The following FAM124A variants were observed in gnomAD, a reference collection of about 807,000 sequenced individuals.
The protein encoded by FAM124A is protein FAM124A.
Under a neutral mutation model 24.5 loss-of-function variants are expected in FAM124A, and 23 were observed. The ratio of observed to expected loss-of-function variants is 0.94; its 90% confidence interval spans 0.68 to 1.33. The LOEUF is 1.33. Among genes scored for constraint, FAM124A ranks in the 40% most tolerant of loss-of-function variants. FAM124A has a pLI of 0.00. For synonymous variants in FAM124A, 287 were observed against 314.7 expected, an observed-to-expected ratio of 0.91 and a Z score of 0.93; for missense variants, 623 against 722.8, an observed-to-expected ratio of 0.86 and a Z score of 1.58.
rs1954853119 is a variant in FAM124A, at chr13:51,272,989, C to T, written c.835-7461C>T. Among the ~76,000 whole-genome samples, 1 of 152,094 alleles carries T rather than the reference C, an allele frequency of 6.6e-6. No homozygotes were observed. Among genetic ancestry groups the T allele is most frequent in the South Asian group, 2.1e-4 (1 of 4,824 alleles). The stretch of plus-strand genomic sequence containing the variant: ...GGATAAGGGTAAAACCTCTTTTTTT[C>T]CCCCATTATAAGCTTTGTAGAACTA... On this transcript the variant is annotated intron_variant, in intron 3 of 3. Transcript: ENST00000322475. This position sits in a 1 kb window ranked among gnomAD's most constrained non-coding sequence, Gnocchi z 4.2.
chr13:51,229,149 C>T (rs1170565799), intron 1 of FAM124A, among the ~76,000 whole-genome samples: 3 of 152,300 alleles, frequency 2.0e-5, no homozygotes, highest in South Asian at 2.1e-4. Context: ...TGTGTGTTTC[C>T]GTTGTGACGG....
chr13:51,254,926 A>G (rs1187392770), intron 3 of FAM124A, among the ~76,000 whole-genome samples: 1 of 152,204 alleles, frequency 6.6e-6, no homozygotes, highest in Non-Finnish European at 1.5e-5. Context: ...CAAATTTAAC[A>G]TTTGTATAAG....
intron 3 of FAM124A, among the ~76,000 whole-genome samples, chr13:51,269,641 TA>T (rs1181477522): frequency 1.3e-5 from 2 of 152,214 alleles, no homozygotes; most frequent in African/African-American, 4.8e-5. Context: ...TTTAAGATGT[TA>T]AAGGAAATTA....
At chr13:51,280,373 A>G (rs550478242) in intron 3 of FAM124A, 77 bp from the exon 4 acceptor site, 11 of 1,320,350 alleles carry the variant, frequency 8.3e-6, no homozygotes, top group Middle Eastern at 2.3e-4. Flanking sequence ...GGAGTTTCCA[A>G]TGATTGGTAA....
At chr13:51,238,851 T>C (rs545926750) in intron 2 of FAM124A, among the ~76,000 whole-genome samples, 12 of 152,298 alleles carry the variant, frequency 7.9e-5, no homozygotes, top group African/African-American at 2.9e-4. Context: ...ACCAAAGATA[T>C]GCATCAGGAA....
chr13:51,268,767 C>T (rs1037799324), intron 3 of FAM124A, among the ~76,000 whole-genome samples: 1 of 152,250 alleles, frequency 6.6e-6, no homozygotes, highest in Non-Finnish European at 1.5e-5. Context: ...AAACCTGCTT[C>T]TCTCTTCAGT....
At chr13:51,254,104 G>T (rs1022854) in intron 3 of FAM124A, among the ~76,000 whole-genome samples, 16,228 of 152,124 alleles carry the variant, frequency 0.11, 1,234 homozygotes, top group African/African-American at 0.21. Flanking sequence ...TTAGGTCTTG[G>T]GGGGAGGAGC....
chr13:51,222,605 G>T, intron 1 of FAM124A, 36 bp downstream of exon 1: 9 of 1,217,224 alleles, frequency 7.4e-6, no homozygotes, highest in Non-Finnish European at 9.2e-6. Context: ...GGCGGGGGGC[G>T]CTCTCCGAGT....
intron 2 of FAM124A, among the ~76,000 whole-genome samples, chr13:51,242,890 C>A (rs1175431478): frequency 2.6e-5 from 4 of 152,122 alleles, no homozygotes; most frequent in African/African-American, 4.8e-5. Flanking sequence ...ACTGTTATAG[C>A]AAAGCCACCC....
chr13:51,246,399 T>TGGGGGG (rs200227873), intron 2 of FAM124A, among the ~76,000 whole-genome samples: 1 of 91,952 alleles, frequency 1.1e-5, no homozygotes, highest in Non-Finnish European at 2.7e-5. Flanking sequence ...ATGTTTCTCG[T>TGGGGGG]GGGGTGGGGG....
At chr13:51,235,363 GA>G (rs1364531100) in intron 2 of FAM124A, among the ~76,000 whole-genome samples, 1 of 150,764 alleles carries the variant, frequency 6.6e-6, no homozygotes, top group East Asian at 2.0e-4. Flanking sequence ...ATAAACAGGA[GA>G]AAAGAAAAAC....
At chr13:51,224,977 T>C (rs953257992) in intron 1 of FAM124A, 6 of 152,236 alleles carry the variant, frequency 3.9e-5, no homozygotes, top group African/African-American at 1.4e-4. Context: ...GGTGAAACTC[T>C]ACTCTTCTTT....
intron 2 of FAM124A, among the ~76,000 whole-genome samples, chr13:51,250,386 A>G (rs572915993): frequency 4.5e-4 from 69 of 152,318 alleles, no homozygotes; most frequent in African/African-American, 7.0e-4. Context: ...AGATGTCTCA[A>G]TTCCCTTAAA....
chr13:51,254,728 A>G (rs1412555101), intron 3 of FAM124A, among the ~76,000 whole-genome samples: 1 of 152,206 alleles, frequency 6.6e-6, no homozygotes, highest in Non-Finnish European at 1.5e-5. Context: ...ATACTAAACT[A>G]TGGCTTTGTG....
chr13:51,256,629 G>A (rs1954677850), intron 3 of FAM124A, among the ~76,000 whole-genome samples: 2 of 152,156 alleles, frequency 1.3e-5, no homozygotes, highest in Non-Finnish European at 2.9e-5. Flanking sequence ...AGATGCCACT[G>A]GGGATGTGAT....
rs146463367 is a variant in FAM124A at position 51,252,115 on chromosome 13, G to A, written c.748G>A (p.Val250Met). The A allele has an allele frequency of 2.4e-5, 38 of 1,613,934 alleles. No individual in the cohort carries two copies. The highest frequency in any genetic ancestry group is 3.2e-5 in the Non-Finnish European group (38 of 1,180,040). Residue 250 changes from valine (V) to methionine (M), a missense_variant, in exon 3 of 4, where the codon GTG becomes ATG. Val to Met is a conservative substitution (Grantham distance 21). Coordinates refer to ENST00000322475, the MANE Select transcript of FAM124A (RefSeq NM_001242312.2). ...CCGAGTGAGGGACATAGGCGAGCTC[G>A]TGCCTCTCCTGCCCAACCCTTGCAG... ...EFRVRDIGELVPLLPNPCSPI... is the reference protein window; with the variant it reads ...EFRVRDIGELMPLLPNPCSPI...
intron 3 of FAM124A, among the ~76,000 whole-genome samples, chr13:51,263,509 G>T (rs565067906): frequency 6.6e-6 from 1 of 152,324 alleles, no homozygotes; most frequent in South Asian, 2.1e-4. Context: ...GGGAACCCTC[G>T]CTTGGTCGAG....
At chr13:51,230,880 G>T (rs1217544252) in intron 1 of FAM124A, among the ~76,000 whole-genome samples, 1 of 152,158 alleles carries the variant, frequency 6.6e-6, no homozygotes, top group Non-Finnish European at 1.5e-5. Flanking sequence ...CTTGAATGTG[G>T]AAACCTTCGC....
rs1417331613 is a variant in FAM124A at position 51,281,211 on chromosome 13, G to T, written c.1596G>T (p.Gly532=). Residue 532 remains glycine, a synonymous_variant, in exon 4 of 4, where the codon GGG becomes GGT. Coordinates refer to ENST00000322475, the MANE Select transcript of FAM124A (RefSeq NM_001242312.2). ...QTDGDMPPPP[G]SAGPGDNDME... is the part of the protein sequence containing the mutation. ...ATGGAGACATGCCACCACCCCCAGG[G>T]TCGGCTGGCCCCGGGGATAACGACA... The T allele has an allele frequency of 6.2e-7, 1 of 1,605,124 alleles. No individual in the cohort carries two copies. Among genetic ancestry groups the T allele is most frequent in the African/African-American group, 1.3e-5 (1 of 74,866 alleles).
Sources: gnomAD v4.1 joint callset for allele counts (sites outside exome capture counted in the v4.1 genomes callset) on GRCh38, gnomAD v4.1.1 for gene constraint, Gnocchi (gnomAD v3.1) non-coding constraint, MANE v1.5 for transcripts, NCBI Gene and HGNC (gene_info 2026-07-23, HGNC 2026-07-21) for gene names.